STK11IP: variants seen among roughly 807,000 people sequenced by gnomAD.
STK11IP encodes the protein serine/threonine kinase 11 interacting protein, also known as serine/threonine-protein kinase 11-interacting protein.
A neutral mutation model predicts 131.7 loss-of-function variants in STK11IP; 103 were observed. The ratio of observed to expected loss-of-function variants is 0.78; its 90% CI spans 0.67 to 0.92. The LOEUF (loss-of-function observed/expected upper bound fraction) is 0.92, where lower values mean the gene tolerates loss of function less well. STK11IP is among the 40% of genes least tolerant of loss of function. The probability of loss-of-function intolerance (pLI) is 0.00; values close to 1 mark genes in which losing one functional copy is unlikely to be tolerated. For missense variants in STK11IP, 1,315 were observed against 1,385.7 expected (o/e 0.95, Z 0.81); for synonymous variants, 557 against 575.6 (o/e 0.97, Z 0.46).
intron 14 of STK11IP, 49 bp downstream of exon 14, chr2:219,608,479 T>C (rs533097220): frequency 2.0e-5 from 30 of 1,530,798 alleles, no homozygotes; most frequent in Middle Eastern, 1.8e-4. Flanking sequence ...GCCCTTGGGA[T>C]GTTTGTGAGT....
In STK11IP at chr2:219,616,341, T is replaced by A; in HGVS notation, c.*148T>A. The A allele has an allele frequency of 2.9e-6, 3 of 1,051,994 alleles. No individual in the cohort carries two copies. Among genetic ancestry groups the A allele is most frequent in the Non-Finnish European group, 2.7e-6 (2 of 747,784 alleles). 65.2% of individuals were successfully genotyped at this position (1,051,994 alleles called of 1,614,324 possible). A position where few individuals can be genotyped will look rare whatever the true frequency, so the allele number is the denominator to read the frequency against. ...GTGAGGTCCCAAATGACCCAGGGCT[T>A]AAGGGAGAGGCGAGAGAATGATCTG... is the stretch of plus-strand genomic sequence containing the variant. On this transcript the variant is annotated 3_prime_UTR_variant, in exon 25 of 25. Coordinates refer to ENST00000456909, the MANE Select transcript of STK11IP (RefSeq NM_052902.4).
Position 219,606,993 on chromosome 2 carries a change from C to T in STK11IP, c.1135-60C>T, listed in dbSNP as rs181954627. The T allele has an allele frequency of 5.1e-5, 82 of 1,609,562 alleles. No individual in the cohort carries two copies. The African/African-American group carries it at 5.3e-4, about 10-fold the overall frequency. ...TTCTTTGATAGGTTGGATGGCCAGC[C>T]GTGGATGGCAGGGCTGGAGGCTTGG... is the stretch of plus-strand genomic sequence containing the variant. On this transcript the variant is annotated intron_variant, in intron 12 of 24. Transcript: ENST00000456909.
chr2:219,609,673 A>G (rs1698329314), intron 17 of STK11IP, 133 bp downstream of exon 17: 2 of 1,063,168 alleles, frequency 1.9e-6, no homozygotes, highest in African/African-American at 3.2e-5. Context: ...TTCTGCCTGG[A>G]GGAAAAAGAA....
rs1003766827 is a variant in STK11IP at position 219,609,169 on chromosome 2, C to A, written c.1882C>A (p.Arg628Ser). The stretch of plus-strand genomic sequence containing the variant: ...CTACATCTGCCCTGACCGGCAGTTG[C>A]GTCGCTATTTGGTGCTGGAGCCTGA... ...FSYICPDRQL[R>S]RYLVLEPDAH... is the part of the protein sequence containing the mutation. Residue 628 changes from arginine to serine, a missense_variant, in exon 16 of 25, where the codon CGT becomes AGT. Arg to Ser is a moderately radical substitution (Grantham distance 110). Transcript: ENST00000456909. 4.3e-6 allele frequency: 7 copies of A among 1,610,200 alleles called. No homozygotes were observed. The highest frequency in any genetic ancestry group is 5.9e-6 in the Non-Finnish European group (7 of 1,178,386).
intron 17 of STK11IP, among the ~76,000 whole-genome samples, chr2:219,610,431 C>T (rs1024054512): frequency 2.3e-4 from 34 of 150,810 alleles, no homozygotes; most frequent in Admixed American, 1.3e-3. Context: ...GAGACGGAGT[C>T]TCGCTCTGTT....
chr2:219,615,917 T>G, intron 24 of STK11IP, 127 bp from the exon 25 acceptor site: 1 of 1,229,368 alleles, frequency 8.1e-7, no homozygotes, highest in Non-Finnish European at 1.2e-6. Flanking sequence ...GGGAGTGACA[T>G]GGGCCTGGGG....
intron 8 of STK11IP, 86 bp downstream of exon 8, chr2:219,605,820 A>G: frequency 6.6e-7 from 1 of 1,526,636 alleles, no homozygotes; most frequent in Non-Finnish European, 8.9e-7. Flanking sequence ...GTGCCTCTAG[A>G]GCCTTGAGAG....
rs374055355 is a variant in STK11IP at position 219,613,906 on chromosome 2, C to T, written c.2692C>T (p.Arg898Trp). 51 of 1,346,732 alleles carry T rather than the reference C, an allele frequency of 3.8e-5. No homozygotes were observed. The highest frequency in any genetic ancestry group is 2.1e-4 in the Middle Eastern group (1 of 4,746). 83.4% of individuals were successfully genotyped at this position (1,346,732 alleles called of 1,614,324 possible). A position where few individuals can be genotyped will look rare whatever the true frequency, so the allele number is the denominator to read the frequency against. The change falls in exon 21 of 25, where the codon CGG becomes TGG. Residue 898 changes from arginine to tryptophan, a missense_variant. By Grantham distance (101) the Arg-to-Trp change is moderately radical. Coordinates refer to ENST00000456909, the MANE Select transcript of STK11IP (RefSeq NM_052902.4). ...VLLPRDARHC[R>W]AFLEELLDVL... ...GCTGCCCCGAGATGCCAGGCATTGC[C>T]GGGCCTTCCTAGAGGAGCTCCTTGG...
chr2:219,611,079 A>G (rs1698381162), intron 17 of STK11IP, among the ~76,000 whole-genome samples: 1 of 152,168 alleles, frequency 6.6e-6, no homozygotes, highest in East Asian at 1.9e-4. Context: ...ACTAAGGATG[A>G]GTATAAGATA....
At position 219,608,754 on chromosome 2, in the gene STK11IP, C is replaced by T. The variant is rs1029632408; in HGVS notation, c.1775C>T (p.Pro592Leu). ...AGTCTGGAGGCAGCTGAGATAGAGCCGGAGGCCCAGGCCCAGAGGTCGCCC... is the reference window on the plus strand; with the variant it reads ...AGTCTGGAGGCAGCTGAGATAGAGCTGGAGGCCCAGGCCCAGAGGTCGCCC... ...LQSLEAAEIE[P>L]EAQAQRSPRP... The change falls in exon 15 of 25, where the codon CCG becomes CTG. Residue 592 changes from proline to leucine, a missense_variant. Physicochemically the swap from Pro to Leu is moderately conservative, Grantham distance 98. Transcript: ENST00000456909. The T allele has an allele frequency of 1.1e-5, 17 of 1,610,860 alleles. No homozygotes were observed. In the African/African-American group the frequency reaches 1.2e-4, roughly 11 times the overall value.
intron 24 of STK11IP, 125 bp from the exon 25 acceptor site, chr2:219,615,919 G>A: frequency 8.0e-7 from 1 of 1,244,958 alleles, no homozygotes; most frequent in Non-Finnish European, 1.1e-6. Context: ...GAGTGACATG[G>A]GCCTGGGGAA....
At chr2:219,603,153 T>G in intron 7 of STK11IP, among the ~76,000 whole-genome samples, 1 of 149,974 alleles carries the variant, frequency 6.7e-6, no homozygotes, top group South Asian at 2.2e-4. Context: ...GCAATTCTCC[T>G]GCTTCAGCCT....
chr2:219,611,605 A>ATC lies in STK11IP; in HGVS notation c.2109_2110dup (p.Pro704LeufsTer137). On this transcript the variant is annotated frameshift_variant and splice_region_variant, in exon 18 of 25. Transcript: ENST00000456909. LOFTEE classifies it high-confidence loss of function. ...GGACCGTGTCCATCCTCCCTCCAGA[A>ATC]TCTCCTGCTGTGTGTCCTAACTGTG... 1 of 1,610,202 alleles carries ATC rather than the reference A, an allele frequency of 6.2e-7. No individual in the cohort carries two copies. Among genetic ancestry groups the ATC allele is most frequent in the Non-Finnish European group, 8.5e-7 (1 of 1,177,354 alleles).
At position 219,611,625 on chromosome 2, in the gene STK11IP, A is replaced by G; in HGVS notation, c.2126A>G (p.Asn709Ser). 1 of 1,612,680 alleles carries G rather than the reference A, an allele frequency of 6.2e-7. No individual in the cohort carries two copies. Among genetic ancestry groups the G allele is most frequent in the Non-Finnish European group, 8.5e-7 (1 of 1,179,664 alleles). Residue 709 changes from asparagine (N) to serine (S), a missense_variant, in exon 18 of 25, where the codon AAC (asparagine) becomes AGC (serine). Coordinates refer to ENST00000456909, the MANE Select transcript of STK11IP (RefSeq NM_052902.4). ...CCAGAATCTCCTGCTGTGTGTCCTAACTGTGGTAGTGACCACGTGGTTCTC... is the reference window on the plus strand; with the variant it reads ...CCAGAATCTCCTGCTGTGTGTCCTAGCTGTGGTAGTGACCACGTGGTTCTC... ...QKTESPAVCP[N>S]CGSDHVVLLA...
chr2:219,606,448 C>G (rs747231569), intron 10 of STK11IP, 28 bp from the exon 11 acceptor site: 1 of 1,606,482 alleles, frequency 6.2e-7, no homozygotes, highest in Non-Finnish European at 8.5e-7. Context: ...CTACCACATA[C>G]TCCCTCCCCC....
At chr2:219,606,612 T>C (rs1454781099) in intron 11 of STK11IP, 95 bp downstream of exon 11, 2 of 1,603,530 alleles carry the variant, frequency 1.2e-6, no homozygotes, top group Non-Finnish European at 1.7e-6. Context: ...AGGGTCTTCC[T>C]GGTCAGTGGA....
intron 2 of STK11IP, among the ~76,000 whole-genome samples, chr2:219,598,834 G>A (rs918569311): frequency 6.6e-6 from 1 of 152,202 alleles, no homozygotes; most frequent in Non-Finnish European, 1.5e-5. Flanking sequence ...AAAAGCCTTG[G>A]CTTTGAGATC....
In STK11IP at chr2:219,613,786, G is replaced by A; in HGVS notation, c.2572G>A (p.Ala858Thr). 8 of 1,612,370 alleles carry A rather than the reference G, an allele frequency of 5.0e-6. No homozygotes were observed. Among genetic ancestry groups the A allele is most frequent in the Non-Finnish European group, 5.9e-6 (7 of 1,179,660 alleles). ...PPASWLQLTL[A>T]VPLQDLSGIE... ...AGCTAGCTGGCTGCAGCTGACCCTG[G>A]CTGTTCCCCTGCAGGATCTGAGTGG... The change falls in exon 21 of 25, where the codon GCT becomes ACT. Residue 858 changes from alanine (A) to threonine (T), a missense_variant. Coordinates refer to ENST00000456909, the MANE Select transcript of STK11IP (RefSeq NM_052902.4).
intron 7 of STK11IP, among the ~76,000 whole-genome samples, chr2:219,605,013 A>G (rs1260440734): frequency 6.6e-6 from 1 of 152,146 alleles, no homozygotes; most frequent in Non-Finnish European, 1.5e-5. Context: ...TATTTTTAGT[A>G]GAGACGGGGT....
Sources: allele counts gnomAD v4.1 joint callset (sites outside exome capture counted in the v4.1 genomes callset), GRCh38; gene constraint gnomAD v4.1.1; transcripts MANE v1.5; gene names NCBI Gene and HGNC (gene_info 2026-07-23, HGNC 2026-07-21).